The following ADAM18 variants were observed in gnomAD, a reference collection of about 807,000 sequenced individuals.
ADAM18 encodes ADAM metallopeptidase domain 18.
In ADAM18, 117 loss-of-function variants were observed where a neutral mutation model predicts 94.4. The ratio of observed to expected loss-of-function variants is 1.24; its 90% CI spans 1.07 to 1.45. The LOEUF (loss-of-function observed/expected upper bound fraction) is 1.45, where lower values mean the gene tolerates loss of function less well. Among genes scored for constraint, ADAM18 ranks in the 40% most tolerant of loss-of-function variants. The pLI is 0.00. For synonymous variants in ADAM18, 327 were observed against 291.6 expected, an observed-to-expected ratio of 1.12 and a Z score of -1.24; for missense variants, 936 against 880.0, an observed-to-expected ratio of 1.06 and a Z score of -0.81.
intron 12 of ADAM18, among the ~76,000 whole-genome samples, chr8:39,650,266 T>A (rs967845311): frequency 6.6e-6 from 1 of 152,136 alleles, no homozygotes. Context: ...GTAAAATAAA[T>A]AAAGTTATAA....
chr8:39,648,284 T>A, intron 11 of ADAM18, 60 bp from the exon 12 acceptor site: 1 of 1,373,566 alleles, frequency 7.3e-7, no homozygotes, highest in African/African-American at 1.5e-5. Flanking sequence ...TATGGAGTGT[T>A]GTTTAGATGT....
chr8:39,727,530 C>T (rs932756139), intron 19 of ADAM18, among the ~76,000 whole-genome samples: 1 of 152,170 alleles, frequency 6.6e-6, no homozygotes, highest in African/African-American at 2.4e-5. Context: ...ATCTTTAGTT[C>T]AAGCTTCCAC....
intron 14 of ADAM18, among the ~76,000 whole-genome samples, chr8:39,676,337 T>A (rs1821300079): frequency 6.6e-6 from 1 of 152,352 alleles, no homozygotes; most frequent in Admixed American, 6.5e-5. Flanking sequence ...GTTTACCTAC[T>A]CAAGCCTCAG....
At chr8:39,680,263 A>C (rs1451221621) in intron 16 of ADAM18, 37 bp downstream of exon 16, 2 of 1,555,738 alleles carry the variant, frequency 1.3e-6, no homozygotes, top group African/African-American at 2.7e-5. Flanking sequence ...AGCTGTGTTA[A>C]ATTATGTGAA....
At chr8:39,678,706 A>G (rs1270817499) in intron 15 of ADAM18, among the ~76,000 whole-genome samples, 1 of 152,148 alleles carries the variant, frequency 6.6e-6, no homozygotes, top group African/African-American at 2.4e-5. Context: ...ATTATTCATG[A>G]AAAAAAGATA....
chr8:39,628,483 A>G (rs962085973), intron 6 of ADAM18, among the ~76,000 whole-genome samples: 2 of 151,976 alleles, frequency 1.3e-5, no homozygotes, highest in African/African-American at 4.8e-5. Context: ...ATATGAGATG[A>G]GGCATACTTT....
At chr8:39,724,419 T>G (rs1051970590) in intron 19 of ADAM18, among the ~76,000 whole-genome samples, 2 of 151,878 alleles carry the variant, frequency 1.3e-5, no homozygotes, top group Admixed American at 1.3e-4. Flanking sequence ...TTATCATACT[T>G]TATTCCTAAT....
At chr8:39,651,199 C>A (rs1050145725) in intron 12 of ADAM18, among the ~76,000 whole-genome samples, 1 of 152,208 alleles carries the variant, frequency 6.6e-6, no homozygotes, top group Non-Finnish European at 1.5e-5. Flanking sequence ...GCAGTTTTCT[C>A]CTATCTCAGT....
chr8:39,707,259 A>T (rs1822266027), intron 18 of ADAM18, among the ~76,000 whole-genome samples: 2 of 152,162 alleles, frequency 1.3e-5, no homozygotes, highest in Admixed American at 1.3e-4. Flanking sequence ...CTGATTTTTC[A>T]TCAGGAGACA....
chr8:39,611,178 C>T, intron 6 of ADAM18: 6 of 771,506 alleles, frequency 7.8e-6, no homozygotes, highest in Non-Finnish European at 9.4e-6. Context: ...TTCAATCCAT[C>T]ACCATGTGGC....
At chr8:39,620,543 G>A (rs1819585125) in intron 6 of ADAM18, among the ~76,000 whole-genome samples, 1 of 145,604 alleles carries the variant, frequency 6.9e-6, no homozygotes, top group Non-Finnish European at 1.5e-5. Flanking sequence ...GTAGCCAACT[G>A]TTATATTAAA....
intron 10 of ADAM18, among the ~76,000 whole-genome samples, chr8:39,641,824 A>G (rs2129579418): frequency 6.6e-6 from 1 of 152,228 alleles, no homozygotes; most frequent in South Asian, 2.1e-4. Flanking sequence ...TGGGTCTTTG[A>G]GGAAACACCA....
chr8:39,627,476 C>A (rs928422143), intron 6 of ADAM18, among the ~76,000 whole-genome samples: 1 of 152,124 alleles, frequency 6.6e-6, no homozygotes, highest in African/African-American at 2.4e-5. Context: ...TATCAACATC[C>A]TTTTGTCTTT....
chr8:39,653,262 CATT>C (rs1331909288), intron 12 of ADAM18, among the ~76,000 whole-genome samples: 1 of 151,856 alleles, frequency 6.6e-6, no homozygotes, highest in South Asian at 2.1e-4. Context: ...TGCTGTACAT[CATT>C]AATACATAAC....
intron 6 of ADAM18, among the ~76,000 whole-genome samples, chr8:39,619,673 G>A (rs532850116): frequency 1.3e-3 from 199 of 151,954 alleles, no homozygotes; most frequent in African/African-American, 4.6e-3. Flanking sequence ...CTATTAGTAA[G>A]TTTTTATAAG....
chr8:39,724,059 AT>A, intron 19 of ADAM18, 152 bp downstream of exon 19: 1 of 591,180 alleles, frequency 1.7e-6, no homozygotes. Context: ...TGTTTCAATA[AT>A]TTGTTATTAT....
At chr8:39,658,677 C>T (rs1585948908) in intron 12 of ADAM18, among the ~76,000 whole-genome samples, 1 of 152,072 alleles carries the variant, frequency 6.6e-6, no homozygotes, top group African/African-American at 2.4e-5. Flanking sequence ...TTAAAGGTTA[C>T]AGCAGTAAGA....
intron 12 of ADAM18, among the ~76,000 whole-genome samples, chr8:39,653,644 C>T (rs1167734420): frequency 2.0e-5 from 3 of 152,062 alleles, no homozygotes; most frequent in Non-Finnish European, 4.4e-5. Context: ...CTAACTTCTT[C>T]GAGGATAAAA....
intron 2 of ADAM18, among the ~76,000 whole-genome samples, chr8:39,600,453 G>C (rs779469366): frequency 6.6e-6 from 1 of 151,948 alleles, no homozygotes; most frequent in African/African-American, 2.4e-5. Context: ...CATAAAATAA[G>C]GTATATCTTA....
Sources: allele counts gnomAD v4.1 joint callset (sites outside exome capture counted in the v4.1 genomes callset), GRCh38; gene constraint gnomAD v4.1.1; transcripts MANE v1.5; gene names NCBI Gene and HGNC (gene_info 2026-07-23, HGNC 2026-07-21).